Variants in PKIB observed in about 807,000 individuals in gnomAD.
PKIB encodes cAMP-dependent protein kinase inhibitor beta.
Under a neutral mutation model 4.5 loss-of-function variants are expected in PKIB, and 2 were observed. The ratio of observed to expected loss-of-function variants is 0.44; its 90% CI spans 0.18 to 1.39. PKIB has a LOEUF of 1.39. PKIB is among the 40% of genes most tolerant of loss of function. The probability of loss-of-function intolerance (pLI) is 0.27; values close to 1 mark genes in which losing one functional copy is unlikely to be tolerated. For synonymous variants in PKIB, 38 were observed against 36.0 expected, an observed-to-expected ratio of 1.06 and a Z score of -0.20; for missense variants, 94 against 92.6, an observed-to-expected ratio of 1.02 and a Z score of -0.06.
At chr6:122,486,299 G>A (rs893563599) in intron 2 of PKIB, among the ~76,000 whole-genome samples, 5 of 152,062 alleles carry the variant, frequency 3.3e-5, no homozygotes, top group Non-Finnish European at 7.4e-5. Flanking sequence ...TAAACCAGTC[G>A]CAATTCAATT....
intron 1 of PKIB, among the ~76,000 whole-genome samples, chr6:122,475,217 T>A (rs1054944954): frequency 1.1e-4 from 16 of 152,152 alleles, no homozygotes; most frequent in Admixed American, 7.9e-4. Flanking sequence ...GAGCTGGGAT[T>A]ACAGGCGTGT....
At chr6:122,626,321 G>A (rs1283114210) in intron 1 of PKIB, among the ~76,000 whole-genome samples, 1 of 152,152 alleles carries the variant, frequency 6.6e-6, no homozygotes, top group Non-Finnish European at 1.5e-5. Flanking sequence ...GCTAATACGA[G>A]TAAAGATTTA....
intron 3 of PKIB, among the ~76,000 whole-genome samples, chr6:122,683,189 CCT>C (rs2114979081): frequency 6.6e-6 from 1 of 152,166 alleles, no homozygotes; most frequent in African/African-American, 2.4e-5. Context: ...GCTATAAATA[CCT>C]GAGAATGGAT....
intron 1 of PKIB, among the ~76,000 whole-genome samples, chr6:122,628,832 C>T (rs1185602307): frequency 6.6e-6 from 1 of 152,142 alleles, no homozygotes; most frequent in East Asian, 1.9e-4. Context: ...AATTTCTTTC[C>T]AGTTGCATGT....
At chr6:122,698,940 CTT>C (rs1461473167) in intron 3 of PKIB, among the ~76,000 whole-genome samples, 1 of 152,168 alleles carries the variant, frequency 6.6e-6, no homozygotes, top group Non-Finnish European at 1.5e-5. Context: ...AGTCACAGGA[CTT>C]TGTACTATGT....
chr6:122,476,500 A>T (rs1775454167), intron 1 of PKIB, among the ~76,000 whole-genome samples: 1 of 152,296 alleles, frequency 6.6e-6, no homozygotes, highest in Non-Finnish European at 1.5e-5. Flanking sequence ...CAGCAAATGA[A>T]CAATATTCTT....
At chr6:122,500,505 AT>A (rs1398776532) in intron 2 of PKIB, among the ~76,000 whole-genome samples, 1 of 152,194 alleles carries the variant, frequency 6.6e-6, no homozygotes, top group African/African-American at 2.4e-5. Flanking sequence ...ATAAACCTTT[AT>A]GCTGTGCAGC....
At chr6:122,676,725 G>C (rs1777689010) in intron 3 of PKIB, among the ~76,000 whole-genome samples, 1 of 152,140 alleles carries the variant, frequency 6.6e-6, no homozygotes, top group Non-Finnish European at 1.5e-5. Flanking sequence ...CAGGAACTGA[G>C]ATATATTTCT....
chr6:122,707,926 C>A (rs1428168892), intron 3 of PKIB, among the ~76,000 whole-genome samples: 1 of 151,552 alleles, frequency 6.6e-6, no homozygotes, highest in Non-Finnish European at 1.5e-5. Context: ...CTTTTCCCAA[C>A]AACAAGCATA....
At chr6:122,721,023 A>G (rs934491584) in intron 4 of PKIB, among the ~76,000 whole-genome samples, 2 of 152,152 alleles carry the variant, frequency 1.3e-5, no homozygotes, top group Non-Finnish European at 2.9e-5. Context: ...TTTTCAAAAC[A>G]TATTTTATAT....
At chr6:122,714,180 G>T (rs1328222271) in intron 3 of PKIB, among the ~76,000 whole-genome samples, 2 of 152,134 alleles carry the variant, frequency 1.3e-5, no homozygotes, top group Non-Finnish European at 1.5e-5. Flanking sequence ...GCTTTTCTCT[G>T]TAGAAAGTGC....
At chr6:122,616,491 C>T (rs939240290) in intron 1 of PKIB, among the ~76,000 whole-genome samples, 21 of 152,056 alleles carry the variant, frequency 1.4e-4, no homozygotes, top group African/African-American at 1.9e-4. Flanking sequence ...GGGAATCACG[C>T]GACACAGTGT....
chr6:122,475,538 C>T (rs1361810537), intron 1 of PKIB, among the ~76,000 whole-genome samples: 1 of 152,150 alleles, frequency 6.6e-6, no homozygotes, highest in Non-Finnish European at 1.5e-5. Flanking sequence ...GTAATCCCAG[C>T]ACTTTGGGAG....
At chr6:122,506,936 C>T (rs1776424371) in intron 2 of PKIB, among the ~76,000 whole-genome samples, 1 of 151,674 alleles carries the variant, frequency 6.6e-6, no homozygotes, top group Non-Finnish European at 1.5e-5. Context: ...CTCCTGACCT[C>T]GTGATCCGCC....
At chr6:122,709,541 A>G (rs1048452382) in intron 3 of PKIB, among the ~76,000 whole-genome samples, 1 of 152,088 alleles carries the variant, frequency 6.6e-6, no homozygotes, top group African/African-American at 2.4e-5. Flanking sequence ...TTTAAATAGA[A>G]CATGTTACCA....
At position 122,558,085 on chromosome 6, in the gene PKIB, A is replaced by G. The variant is rs1242683479; in HGVS notation, c.-247-27836A>G. 5.3e-5 allele frequency among the ~76,000 whole-genome samples: 8 copies of G among 152,256 alleles called. No individual in the cohort carries two copies. In the South Asian group the frequency reaches 1.0e-3, roughly 20 times the overall value. On this transcript the variant is annotated intron_variant, in intron 2 of 6. Transcript: ENST00000392491. ...ACTCCATGTTTCAAAAACACATACT[A>G]AACTTACTGAAGCAGAAAGGTGAAT... is the stretch of plus-strand genomic sequence containing the variant.
At chr6:122,599,063 G>A (rs1413535095) in intron 3 of PKIB, among the ~76,000 whole-genome samples, 1 of 152,166 alleles carries the variant, frequency 6.6e-6, no homozygotes, top group Non-Finnish European at 1.5e-5. Context: ...TGGTAGCTTA[G>A]TCTCGTTATA....
chr6:122,576,626 G>A (rs1460350638), intron 2 of PKIB, among the ~76,000 whole-genome samples: 5 of 118,036 alleles, frequency 4.2e-5, no homozygotes, highest in African/African-American at 1.3e-4. Context: ...CCCAGATGGC[G>A]CCACTACACT....
chr6:122,630,702 T>C (rs1775659530), intron 1 of PKIB, among the ~76,000 whole-genome samples: 1 of 152,212 alleles, frequency 6.6e-6, no homozygotes, highest in Admixed American at 6.5e-5. Context: ...TAAAAAGCAC[T>C]ATTAAAATTA....
Sources: allele counts gnomAD v4.1 joint callset (sites outside exome capture counted in the v4.1 genomes callset), GRCh38; gene constraint gnomAD v4.1.1; transcripts MANE v1.5; gene names NCBI Gene and HGNC (gene_info 2026-07-23, HGNC 2026-07-21).